Variants in MCC observed in about 807,000 individuals in gnomAD.
The protein encoded by MCC is MCC regulator of Wnt signaling pathway.
Under a neutral mutation model 116.2 loss-of-function variants are expected in MCC, and 90 were observed. The ratio of observed to expected loss-of-function variants is 0.77; its 90% CI spans 0.65 to 0.92. MCC has a LOEUF of 0.92. Ranked by LOEUF, MCC falls within the 40% of genes least tolerant of loss-of-function variation. The pLI is 0.00. For missense variants in MCC, 1,516 were observed against 1,312.2 expected (o/e 1.16, Z -2.40); for synonymous variants, 578 against 510.5 (o/e 1.13, Z -1.78).
chr5:113,069,763 T>C (rs1580981658), intron 12 of MCC, among the ~76,000 whole-genome samples: 1 of 152,254 alleles, frequency 6.6e-6, no homozygotes, highest in South Asian at 2.1e-4. Context: ...TTTTTTTGTA[T>C]TTTTAGTAGC....
intron 6 of MCC, among the ~76,000 whole-genome samples, chr5:113,113,480 C>T (rs1407102824): frequency 1.3e-5 from 2 of 151,970 alleles, no homozygotes; most frequent in Non-Finnish European, 2.9e-5. Context: ...ACAGAGGTTA[C>T]CCCTTGCTTT....
Position 113,049,111 on chromosome 5 carries a change from G to C in MCC, c.2637C>G (p.Ser879Arg), listed in dbSNP as rs760639174. 2 of 1,614,060 alleles carry C rather than the reference G, an allele frequency of 1.2e-6. No homozygotes were observed. Among genetic ancestry groups the C allele is most frequent in the Non-Finnish European group, 1.7e-6 (2 of 1,180,036 alleles). Reference protein sequence around the residue: ...MRSLSSTSSGSKDKPGKECAD... With the variant: ...MRSLSSTSSGRKDKPGKECAD... Reference sequence around the variant, plus strand: ...GCCCTACCTTGCCAGGTTTGTCTTTGCTGCCGCTGCTGGTGGAGCTGAGGG... The same window carrying C: ...GCCCTACCTTGCCAGGTTTGTCTTTCCTGCCGCTGCTGGTGGAGCTGAGGG... Residue 879 changes from serine to arginine, a missense_variant, in exon 16 of 19, where the codon AGC (serine) becomes AGG (arginine). Ser to Arg is a moderately radical substitution (Grantham distance 110). Coordinates refer to ENST00000408903, the MANE Select transcript of MCC (RefSeq NM_001085377.2).
At chr5:113,290,874 A>C (rs1261629207) in intron 3 of MCC, among the ~76,000 whole-genome samples, 1 of 152,212 alleles carries the variant, frequency 6.6e-6, no homozygotes, top group Non-Finnish European at 1.5e-5. Context: ...ATTTTAAAAA[A>C]AAATCCCTTC....
At chr5:113,123,607 T>C (rs1265896918) in intron 5 of MCC, among the ~76,000 whole-genome samples, 1 of 152,212 alleles carries the variant, frequency 6.6e-6, no homozygotes, top group African/African-American at 2.4e-5. Context: ...ACTGTACTAT[T>C]AGCAAGCTGA....
chr5:113,055,254 A>G (rs4457065), intron 14 of MCC, among the ~76,000 whole-genome samples: 24,711 of 152,002 alleles, frequency 0.16, 2,257 homozygotes, highest in African/African-American at 0.23. Flanking sequence ...CTGTAGCTAG[A>G]AGCTATACCA....
chr5:113,108,311 C>A (rs1271933986), intron 6 of MCC, among the ~76,000 whole-genome samples: 19 of 110,970 alleles, frequency 1.7e-4, no homozygotes, highest in African/African-American at 6.5e-4. Flanking sequence ...GGCAACAGAG[C>A]AAGACGCAAC....
rs532942553 is a variant in MCC, at chr5:113,117,882, G to A, written c.1027+4802C>T. Among the ~76,000 whole-genome samples the A allele has an allele frequency of 1.6e-4, 24 of 152,328 alleles. No individual in the cohort carries two copies. In the South Asian group the frequency reaches 4.6e-3, roughly 29 times the overall value. On this transcript the variant is annotated intron_variant, in intron 6 of 18. Coordinates refer to ENST00000408903, the MANE Select transcript of MCC (RefSeq NM_001085377.2). ...TGCAAATGCTTCACTATTAAGCCAG[G>A]TGCTTGTGATCACACAGCTGCTCCC...
At chr5:113,257,189 T>C (rs941165183) in intron 3 of MCC, among the ~76,000 whole-genome samples, 1 of 152,166 alleles carries the variant, frequency 6.6e-6, no homozygotes, top group South Asian at 2.1e-4. Context: ...CCATGGGCTT[T>C]TGGCATATAC....
chr5:113,386,807 A>ATACACC (rs1769269681), intron 1 of MCC, among the ~76,000 whole-genome samples: 1 of 94,286 alleles, frequency 1.1e-5, no homozygotes, highest in African/African-American at 5.8e-5. Context: ...ACATACACAT[A>ATACACC]TACACATACA....
At chr5:113,264,270 C>G (rs1345338350) in intron 3 of MCC, among the ~76,000 whole-genome samples, 1 of 152,130 alleles carries the variant, frequency 6.6e-6, no homozygotes, top group Non-Finnish European at 1.5e-5. Context: ...CTTGGTTTCT[C>G]TATATAAATA....
At chr5:113,167,851 A>G (rs1244870662) in intron 3 of MCC, among the ~76,000 whole-genome samples, 1 of 152,086 alleles carries the variant, frequency 6.6e-6, no homozygotes, top group Non-Finnish European at 1.5e-5. Flanking sequence ...ACTGGTCCTG[A>G]ACTCCTAGGC....
chr5:113,296,260 T>C (rs902810003), intron 3 of MCC, among the ~76,000 whole-genome samples: 21 of 152,182 alleles, frequency 1.4e-4, no homozygotes, highest in African/African-American at 4.1e-4. Context: ...GGTATATACA[T>C]AACTATGAAG....
chr5:113,401,769 T>A (rs199605230), intron 1 of MCC, among the ~76,000 whole-genome samples: 6,563 of 116,326 alleles, frequency 0.056, 219 homozygotes, highest in Middle Eastern at 0.13. Context: ...GTTTTCTTAT[T>A]TATATATATA....
chr5:113,255,289 CAA>C (rs1001817815), intron 3 of MCC, among the ~76,000 whole-genome samples: 1 of 152,128 alleles, frequency 6.6e-6, no homozygotes, highest in Admixed American at 6.5e-5. Flanking sequence ...ATAAAAAGGC[CAA>C]GTCTTGCTAA....
intron 3 of MCC, chr5:113,323,191 G>A (rs1767469215): frequency 6.6e-6 from 1 of 152,336 alleles, no homozygotes; most frequent in Admixed American, 6.5e-5. Flanking sequence ...CCTGGCTGAT[G>A]ACTTGACTGC....
intron 12 of MCC, among the ~76,000 whole-genome samples, chr5:113,069,016 A>T (rs970378906): frequency 3.3e-5 from 5 of 152,274 alleles, no homozygotes; most frequent in Non-Finnish European, 1.5e-5. Context: ...TGCACTATTC[A>T]ATATAGTATC....
chr5:113,289,278 G>A (rs1032325064), intron 3 of MCC, among the ~76,000 whole-genome samples: 2 of 147,780 alleles, frequency 1.4e-5, no homozygotes, highest in Admixed American at 6.8e-5. Context: ...GCAGTGAGCC[G>A]AGATTGCGCC....
intron 1 of MCC, among the ~76,000 whole-genome samples, chr5:113,452,350 A>G (rs997992400): frequency 2.0e-5 from 3 of 152,218 alleles, no homozygotes; most frequent in African/African-American, 7.2e-5. Context: ...TCATATGTTA[A>G]AACTTAATCA....
intron 5 of MCC, among the ~76,000 whole-genome samples, chr5:113,131,769 G>C (rs750907634): frequency 1.3e-5 from 2 of 152,032 alleles, no homozygotes; most frequent in Non-Finnish European, 2.9e-5. Context: ...GCATTTCATC[G>C]GCAGAGTTAA....
Sources: allele counts gnomAD v4.1 joint callset (sites outside exome capture counted in the v4.1 genomes callset), GRCh38; gene constraint gnomAD v4.1.1; transcripts MANE v1.5; gene names NCBI Gene and HGNC (gene_info 2026-07-23, HGNC 2026-07-21).